Variants in CRPPA observed in about 807,000 individuals in gnomAD.
CRPPA encodes D-ribitol-5-phosphate cytidylyltransferase.
In CRPPA, 43 loss-of-function variants were observed where a neutral mutation model predicts 52.0. That is an observed-to-expected ratio of 0.83 (90% confidence interval 0.65 to 1.07). CRPPA has a LOEUF of 1.07. CRPPA is among the 50% of genes least tolerant of loss of function. CRPPA has a pLI of 0.00. For synonymous variants in CRPPA, 250 were observed against 203.5 expected (o/e 1.23, Z -1.94); for missense variants, 629 against 551.7 (o/e 1.14, Z -1.40).
chr7:16,262,768 T>A lies in CRPPA; in HGVS notation c.934-3756A>T, dbSNP rs1341704410. 2.0e-5 allele frequency among the ~76,000 whole-genome samples: 3 copies of A among 152,200 alleles called. No individual in the cohort carries two copies. The East Asian group carries it at 5.8e-4, about 29-fold the overall frequency. The stretch of plus-strand genomic sequence containing the variant: ...TTCTAAGTTAAAAATAAAAGAATTA[T>A]CTTAATGAATCAACTTTTGCCCCCA... On this transcript the variant is annotated intron_variant, in intron 6 of 9. Coordinates refer to ENST00000407010, the MANE Select transcript of CRPPA (RefSeq NM_001101426.4).
In CRPPA at chr7:16,315,687, A is replaced by T. The variant is rs370495757; in HGVS notation, c.685-7060T>A. ...ATTTTTCTCCAGTACCCATTTTAAG[A>T]ACCTGGTCAAGCTCCTGGAAGTAAA... On this transcript the variant is annotated intron_variant, in intron 3 of 9. Coordinates refer to ENST00000407010, the MANE Select transcript of CRPPA (RefSeq NM_001101426.4). 1.2e-4 allele frequency among the ~76,000 whole-genome samples: 19 copies of T among 152,178 alleles called. No individual in the cohort carries two copies. The East Asian group carries it at 2.7e-3, about 22-fold the overall frequency.
chr7:16,371,986 T>G (rs1426478906), intron 3 of CRPPA, among the ~76,000 whole-genome samples: 6 of 151,948 alleles, frequency 3.9e-5, no homozygotes, highest in Non-Finnish European at 7.4e-5. Flanking sequence ...GACAAAGCTT[T>G]TGAATTAACC....
intron 9 of CRPPA, among the ~76,000 whole-genome samples, chr7:16,100,285 T>C (rs549831070): frequency 3.3e-5 from 5 of 152,328 alleles, no homozygotes; most frequent in Admixed American, 3.3e-4. Context: ...CTATTTTTTA[T>C]TGCATATCAG....
intron 3 of CRPPA, among the ~76,000 whole-genome samples, chr7:16,327,172 G>A (rs529718485): frequency 6.6e-6 from 1 of 152,194 alleles, no homozygotes; most frequent in South Asian, 2.1e-4. Flanking sequence ...TCTCAAGAAT[G>A]GAGATATCTT....
intron 9 of CRPPA, among the ~76,000 whole-genome samples, chr7:16,190,232 G>T (rs1781580681): frequency 6.6e-6 from 1 of 152,100 alleles, no homozygotes; most frequent in African/African-American, 2.4e-5. Flanking sequence ...TTTTTCCCAA[G>T]GTTTCATTTG....
chr7:16,173,098 G>A (rs562551224), intron 9 of CRPPA, among the ~76,000 whole-genome samples: 14 of 152,242 alleles, frequency 9.2e-5, no homozygotes, highest in East Asian at 5.8e-4. Context: ...TATCAAGGTC[G>A]TTTCATGTAA....
chr7:16,283,027 C>G (rs189289100), intron 5 of CRPPA, among the ~76,000 whole-genome samples: 1 of 151,936 alleles, frequency 6.6e-6, no homozygotes, highest in Non-Finnish European at 1.5e-5. Flanking sequence ...AATACATATG[C>G]CTAGTGCACA....
At chr7:16,234,387 A>T (rs1484819436) in intron 8 of CRPPA, among the ~76,000 whole-genome samples, 1 of 152,158 alleles carries the variant, frequency 6.6e-6, no homozygotes, top group Non-Finnish European at 1.5e-5. Context: ...ACACAATAAG[A>T]TGCTTCATAA....
intron 5 of CRPPA, among the ~76,000 whole-genome samples, chr7:16,288,718 A>G (rs1784497723): frequency 6.6e-6 from 1 of 151,520 alleles, no homozygotes; most frequent in Admixed American, 6.6e-5. Flanking sequence ...ATGGTTATAC[A>G]TGCCTGTAAT....
intron 8 of CRPPA, among the ~76,000 whole-genome samples, chr7:16,254,851 G>GAAAGAAAGAGAAAGAAGA (rs1562588926): frequency 4.3e-5 from 6 of 139,228 alleles, no homozygotes; most frequent in Non-Finnish European, 7.8e-5. Context: ...GAAAGAGAAA[G>GAAAGAAAGAGAAAGAAGA]AAGAAAGAAA....
chr7:16,203,253 G>A (rs1170090236), intron 9 of CRPPA, among the ~76,000 whole-genome samples: 1 of 152,048 alleles, frequency 6.6e-6, no homozygotes, highest in East Asian at 1.9e-4. Context: ...TATTGTTTGG[G>A]CGTATCCAGC....
At chr7:16,382,925 C>A (rs1163710808) in intron 2 of CRPPA, among the ~76,000 whole-genome samples, 1 of 152,144 alleles carries the variant, frequency 6.6e-6, no homozygotes, top group Non-Finnish European at 1.5e-5. Context: ...AACTTCTTTG[C>A]CTTTGGCTTG....
intron 3 of CRPPA, among the ~76,000 whole-genome samples, chr7:16,324,984 C>T (rs1785349540): frequency 6.6e-6 from 1 of 152,168 alleles, no homozygotes; most frequent in South Asian, 2.1e-4. Flanking sequence ...TCTTGTCATT[C>T]CCTGCCTGCC....
chr7:16,209,269 G>GC, intron 9 of CRPPA: 1 of 151,212 alleles, frequency 6.6e-6, no homozygotes, highest in Non-Finnish European at 1.5e-5. Context: ...ACGGTTCTAA[G>GC]TGTCTTTTTT....
chr7:16,233,014 A>G (rs1410698103), intron 8 of CRPPA, among the ~76,000 whole-genome samples: 1 of 152,160 alleles, frequency 6.6e-6, no homozygotes, highest in African/African-American at 2.4e-5. Context: ...CCTAACTCTA[A>G]CTTCAAGAGA....
At chr7:16,092,610 C>T (rs1244157497) in intron 9 of CRPPA, among the ~76,000 whole-genome samples, 1 of 152,182 alleles carries the variant, frequency 6.6e-6, no homozygotes, top group Non-Finnish European at 1.5e-5. Context: ...ACCTTCTGTC[C>T]TCAATTACTG....
rs777120379 is a variant in CRPPA at position 16,347,139 on chromosome 7, A to G, written c.684+28953T>C. Among the ~76,000 whole-genome samples, 34 of 152,114 alleles carry G rather than the reference A, an allele frequency of 2.2e-4. 1 individual carries two copies. Among genetic ancestry groups the G allele is most frequent in the Admixed American group, 7.9e-4 (12 of 15,248 alleles). On this transcript the variant is annotated intron_variant, in intron 3 of 9. Transcript: ENST00000407010. The stretch of plus-strand genomic sequence containing the variant: ...AAACTTTCCACCAAACTCATAAGGT[A>G]GATATGACTTTCAGCCCCATTTATC...
At position 16,119,431 on chromosome 7, in the gene CRPPA, AT is replaced by A. The variant is rs371703089; in HGVS notation, c.1252-27633del. On this transcript the variant is annotated intron_variant, in intron 9 of 9. Transcript: ENST00000407010. ...ACCAAAATCCTTAAACAGCTAAGAA[AT>A]AAAAAAACAAACAAAAAAGAAAGCA... 3.1e-4 allele frequency among the ~76,000 whole-genome samples: 47 copies of A among 152,342 alleles called. No homozygotes were observed. The East Asian group carries it at 7.1e-3, about 23-fold the overall frequency.
chr7:16,268,932 C>A (rs1784022943), intron 6 of CRPPA: 1 of 152,228 alleles, frequency 6.6e-6, no homozygotes, highest in Admixed American at 6.5e-5. Context: ...GCTACCAGCA[C>A]CTTCTCTTGC....
Sources: gnomAD v4.1 joint callset for allele counts (sites outside exome capture counted in the v4.1 genomes callset) on GRCh38, gnomAD v4.1.1 for gene constraint, MANE v1.5 for transcripts, NCBI Gene and HGNC (gene_info 2026-07-23, HGNC 2026-07-21) for gene names.